Variants in CCDC88B observed in about 807,000 individuals in gnomAD.
The protein encoded by CCDC88B is coiled-coil and HOOK domain protein 88B.
In CCDC88B, 138 loss-of-function variants were observed where a neutral mutation model predicts 183.7. The ratio of observed to expected loss-of-function variants is 0.75; its 90% CI spans 0.65 to 0.87. The LOEUF (loss-of-function observed/expected upper bound fraction) is 0.87, where lower values mean the gene tolerates loss of function less well. Ranked by LOEUF, CCDC88B falls within the 40% of genes least tolerant of loss-of-function variation. CCDC88B has a pLI of 0.00. For synonymous variants in CCDC88B, 835 were observed against 867.5 expected, an observed-to-expected ratio of 0.96 and a Z score of 0.66; for missense variants, 1,822 against 1,965.6, an observed-to-expected ratio of 0.93 and a Z score of 1.38.
At chr11:64,351,838 C>T (rs962312425) in intron 18 of CCDC88B, among the ~76,000 whole-genome samples, 6 of 152,116 alleles carry the variant, frequency 3.9e-5, no homozygotes, top group East Asian at 1.9e-4. Context: ...ACACCCATGT[C>T]GCCCTGCGCT....
intron 16 of CCDC88B, chr11:64,350,703 C>CA (rs971806620): frequency 6.6e-5 from 10 of 151,522 alleles, no homozygotes; most frequent in Admixed American, 2.0e-4. Flanking sequence ...CCCAAAAAAA[C>CA]AAAAAAAACC....
Position 64,344,825 on chromosome 11 carries a change from G to A in CCDC88B, c.2284G>A (p.Ala762Thr), listed in dbSNP as rs558047250. 7.5e-6 allele frequency: 12 copies of A among 1,603,792 alleles called. No homozygotes were observed. The highest frequency in any genetic ancestry group is 1.7e-5 in the Admixed American group (1 of 58,718). The change falls in exon 14 of 27, where the codon GCT becomes ACT. Residue 762 changes from alanine to threonine, a missense_variant. Coordinates refer to ENST00000356786, the MANE Select transcript of CCDC88B (RefSeq NM_032251.6). This position sits in a 1 kb window ranked among gnomAD's most constrained non-coding sequence, Gnocchi z 4.5. ...ARKLEAQNTE[A>T]ARLSKELAQA... ...CAAGCTGGAGGCCCAAAACACGGAG[G>A]CTGCCCGCCTCTCCAAGGAGCTGGC...
At chr11:64,342,797 TGGAGAAATGGGTGA>T (rs2035932630) in intron 10 of CCDC88B, 117 bp downstream of exon 10, 4 of 1,204,908 alleles carry the variant, frequency 3.3e-6, no homozygotes, top group Non-Finnish European at 4.4e-6. Flanking sequence ...CAGTCACAGG[TGGAGAAATGGGTGA>T]GGACAAATTC....
At position 64,355,228 on chromosome 11, in the gene CCDC88B, G is replaced by C; in HGVS notation, c.4134G>C (p.Gln1378His). Residue 1378 changes from glutamine (Q) to histidine (H), a missense_variant, in exon 25 of 27, where the codon CAG becomes CAC. Coordinates refer to ENST00000356786, the MANE Select transcript of CCDC88B (RefSeq NM_032251.6). ...SPSPAPMRRA[Q>H]SSLCLRDETL... Reference sequence around the variant, plus strand: ...CCCCGGCACCCATGCGCCGGGCCCAGAGCTCCCTCTGCCTGCGGGATGAGA... The same window carrying C: ...CCCCGGCACCCATGCGCCGGGCCCACAGCTCCCTCTGCCTGCGGGATGAGA... 6.6e-7 allele frequency: 1 copy of C among 1,513,160 alleles called. No individual in the cohort carries two copies. The highest frequency in any genetic ancestry group is 8.8e-7 in the Non-Finnish European group (1 of 1,133,774). The allele number at this position is 1,513,160 out of a possible 1,614,324, so 93.7% of individuals were successfully genotyped here.
intron 9 of CCDC88B, 28 bp downstream of exon 9, chr11:64,342,403 G>A: frequency 6.4e-7 from 1 of 1,557,574 alleles, no homozygotes; most frequent in Non-Finnish European, 8.7e-7. Context: ...CCGCCACCGC[G>A]GCATTCCCTA....
Position 64,355,314 on chromosome 11 carries a change from A to T in CCDC88B, c.4220A>T (p.Glu1407Val). Reference sequence around the variant, plus strand: ...AGGTTCCCGGTGGGGCGAAGCTCTGAGTCATTCAGCCCTGGGGACACCCCT... The same window carrying T: ...AGGTTCCCGGTGGGGCGAAGCTCTGTGTCATTCAGCCCTGGGGACACCCCT... ...SSRFPVGRSS[E>V]SFSPGDTPRQ... The change falls in exon 25 of 27, where the codon GAG (glutamate) becomes GTG (valine). Residue 1407 changes from glutamate (E) to valine (V), a missense_variant. By Grantham distance (121) the Glu-to-Val change is moderately radical. Transcript: ENST00000356786. 1 of 1,595,282 alleles carries T rather than the reference A, an allele frequency of 6.3e-7. No individual in the cohort carries two copies. Among genetic ancestry groups the T allele is most frequent in the Non-Finnish European group, 8.5e-7 (1 of 1,171,794 alleles).
At chr11:64,348,912 T>C in intron 14 of CCDC88B, 2 of 670,198 alleles carry the variant, frequency 3.0e-6, no homozygotes, top group South Asian at 1.5e-5. Context: ...CTCCGTGGCC[T>C]TTTCCCTGTA....
chr11:64,341,629 G>A lies in CCDC88B; in HGVS notation c.562G>A (p.Ala188Thr). The A allele has an allele frequency of 6.2e-7, 1 of 1,604,580 alleles. No individual in the cohort carries two copies. ...CCAGCCGGGGGCCGGCGTGGTGCTG[G>A]CACTGTCTGGGCCAGATCCTGGGGA... is the stretch of plus-strand genomic sequence containing the variant. ...VTQPGAGVVL[A>T]LSGPDPGELA... The change falls in exon 7 of 27, where the codon GCA becomes ACA. Residue 188 changes from alanine to threonine, a missense_variant. Coordinates refer to ENST00000356786, the MANE Select transcript of CCDC88B (RefSeq NM_032251.6).
In CCDC88B at chr11:64,342,599, C is replaced by A. The variant is rs929090762; in HGVS notation, c.981C>A (p.Gly327=). Residue 327 remains glycine (G), a synonymous_variant, in exon 10 of 27, where the codon GGC becomes GGA. Transcript: ENST00000356786. ...CAGAGGCGCTGCGGGAGCGGGCCGG[C>A]CGCCTGCCCCGCCTGCAGGAGGAGC... The part of the protein sequence containing the change: ...EEAEALRERA[G]RLPRLQEELR... 2.6e-6 allele frequency: 4 copies of A among 1,530,260 alleles called. No homozygotes were observed. The highest frequency in any genetic ancestry group is 3.5e-6 in the Non-Finnish European group (4 of 1,144,760). 94.8% of individuals were successfully genotyped at this position (1,530,260 alleles called of 1,614,324 possible). A position where few individuals can be genotyped will look rare whatever the true frequency, so the allele number is the denominator to read the frequency against.
chr11:64,340,626 T>C lies in CCDC88B; in HGVS notation c.80T>C (p.Leu27Pro), dbSNP rs765607049. The C allele has an allele frequency of 1.3e-5, 21 of 1,609,240 alleles. No homozygotes were observed. The highest frequency in any genetic ancestry group is 1.8e-5 in the Non-Finnish European group (21 of 1,179,392). ...TCACAGGCGCTGGGACTGGCCGGGC[T>C]GGTCGGGGAGGCGGAGGACTCGGAG... ...LATWALGLAG[L>P]VGEAEDSEGE... The change falls in exon 2 of 27, where the codon CTG becomes CCG. Residue 27 changes from leucine to proline, a missense_variant. Coordinates refer to ENST00000356786, the MANE Select transcript of CCDC88B (RefSeq NM_032251.6).
At position 64,344,061 on chromosome 11, in the gene CCDC88B, C is replaced by A; in HGVS notation, c.1520C>A (p.Thr507Asn). 1 of 1,599,944 alleles carries A rather than the reference C, an allele frequency of 6.3e-7. No individual in the cohort carries two copies. Among genetic ancestry groups the A allele is most frequent in the Non-Finnish European group, 8.5e-7 (1 of 1,172,668 alleles). Residue 507 changes from threonine (T) to asparagine (N), a missense_variant, in exon 14 of 27, where the codon ACT becomes AAT. Transcript: ENST00000356786. The surrounding 1 kb of genome is among the most constrained non-coding windows in gnomAD (Gnocchi z 4.5). ...CCAGTGCTGGAGGAGGCTCCCCAGA[C>A]TCCTGTGGCCTTCGACCACAGCCCT... Reference protein sequence around the residue: ...VLPVLEEAPQTPVAFDHSPQG... With the variant: ...VLPVLEEAPQNPVAFDHSPQG...
Position 64,353,178 on chromosome 11 carries a change from C to T in CCDC88B, c.3625C>T (p.Gln1209Ter). ...ERAQLEMQSQ[Q>*]LRESNQQLDL... ...GGCACAGCTGGAGATGCAGAGCCAG[C>T]AGCTGCGCGAGTCCAACCAGCAGCT... Residue 1209 changes from glutamine (Q) to a stop codon, truncating the protein, a stop_gained, in exon 21 of 27, where the codon CAG becomes TAG. Transcript: ENST00000356786. LOFTEE classifies it high-confidence loss of function. The T allele has an allele frequency of 6.3e-7, 1 of 1,581,074 alleles. No individual in the cohort carries two copies. The highest frequency in any genetic ancestry group is 8.6e-7 in the Non-Finnish European group (1 of 1,164,488).
At position 64,344,052 on chromosome 11, in the gene CCDC88B, C is replaced by A; in HGVS notation, c.1511C>A (p.Ala504Asp). 1 of 1,583,672 alleles carries A rather than the reference C, an allele frequency of 6.3e-7. No individual in the cohort carries two copies. Residue 504 changes from alanine to aspartate, a missense_variant, in exon 14 of 27, where the codon GCT (alanine) becomes GAT (aspartate). Transcript: ENST00000356786. This position sits in a 1 kb window ranked among gnomAD's most constrained non-coding sequence, Gnocchi z 4.5. ...EDPVLPVLEE[A>D]PQTPVAFDHS... ...CCTGTTCTTCCAGTGCTGGAGGAGG[C>A]TCCCCAGACTCCTGTGGCCTTCGAC...
rs1435844083 is a variant in CCDC88B at position 64,352,261 on chromosome 11, C to T, written c.3231C>T (p.Asp1077=). The change falls in exon 19 of 27, where the codon GAC becomes GAT. Residue 1077 remains aspartate, a synonymous_variant. Coordinates refer to ENST00000356786, the MANE Select transcript of CCDC88B (RefSeq NM_032251.6). Reference sequence around the variant, plus strand: ...GGCAGCAGCAGGCCCTGCTTCGGGACCACAAGGCCCTGGCACAGCTGCAGC... The same window carrying T: ...GGCAGCAGCAGGCCCTGCTTCGGGATCACAAGGCCCTGGCACAGCTGCAGC... ...TRGQQQALLR[D]HKALAQLQRR... 2 of 1,601,318 alleles carry T rather than the reference C, an allele frequency of 1.2e-6. No individual in the cohort carries two copies. Among genetic ancestry groups the T allele is most frequent in the Admixed American group, 1.7e-5 (1 of 57,732 alleles).
Position 64,351,384 on chromosome 11 carries a change from G to T in CCDC88B, c.2959-92G>T, listed in dbSNP as rs576843427. ...TGGACTCACAGTGGGCCCGGGGGTGGGGGTGCCCCATGCAGTGTGAGTGTG... is the reference window on the plus strand; with the variant it reads ...TGGACTCACAGTGGGCCCGGGGGTGTGGGTGCCCCATGCAGTGTGAGTGTG... On this transcript the variant is annotated intron_variant, in intron 17 of 26. Transcript: ENST00000356786. The T allele has an allele frequency of 3.1e-5, 48 of 1,532,740 alleles. No homozygotes were observed. The African/African-American group carries it at 5.1e-4, about 16-fold the overall frequency. The allele number at this position is 1,532,740 out of a possible 1,614,324, so 94.9% of individuals were successfully genotyped here.
rs1406615552 is a variant in CCDC88B, at chr11:64,343,621, G to C, written c.1318+6G>C. 1.2e-5 allele frequency: 19 copies of C among 1,551,088 alleles called. No homozygotes were observed. Among genetic ancestry groups the C allele is most frequent in the Non-Finnish European group, 1.5e-5 (17 of 1,146,756 alleles). On this transcript the variant is annotated splice_donor_region_variant and intron_variant, in intron 12 of 26. Coordinates refer to ENST00000356786, the MANE Select transcript of CCDC88B (RefSeq NM_032251.6). ...TCCAGGATCCCCTGGGGAGGGTGAG[G>C]GACCCCACTGGAAGGGCTGGGGTGG...
At chr11:64,340,499 G>A in intron 1 of CCDC88B, 108 bp from the exon 2 acceptor site, 1 of 1,494,538 alleles carries the variant, frequency 6.7e-7, no homozygotes, top group Non-Finnish European at 8.9e-7. Flanking sequence ...AGAGGGGACA[G>A]AGGCACTCAG....
intron 14 of CCDC88B, 154 bp from the exon 15 acceptor site, chr11:64,349,177 C>A: frequency 1.1e-6 from 1 of 912,994 alleles, no homozygotes; most frequent in Non-Finnish European, 1.7e-6. Context: ...GGCTTTGCTC[C>A]CATTTTATAG....
intron 26 of CCDC88B, 113 bp from the exon 27 acceptor site, chr11:64,356,926 C>T (rs2036563895): frequency 3.0e-6 from 3 of 996,076 alleles, no homozygotes; most frequent in East Asian, 2.4e-5. Flanking sequence ...CAGCTGGAAG[C>T]GGGGGGTATT....
Sources: allele counts gnomAD v4.1 joint callset (sites outside exome capture counted in the v4.1 genomes callset), GRCh38; gene constraint gnomAD v4.1.1; non-coding constraint Gnocchi (gnomAD v3.1); transcripts MANE v1.5; gene names NCBI Gene and HGNC (gene_info 2026-07-23, HGNC 2026-07-21).